RBBP6: variants seen among roughly 807,000 people sequenced by gnomAD.
RBBP6 encodes the protein E3 ubiquitin-protein ligase RBBP6.
RBBP6 carries 25 observed loss-of-function variants against 167.7 expected under a neutral mutation model. The observed-to-expected ratio is 0.15, with a 90% CI of 0.11 to 0.21. The LOEUF is 0.21. Among genes scored for constraint, RBBP6 ranks in the 10% least tolerant of loss-of-function variants. The probability of loss-of-function intolerance (pLI) is 1.00; values close to 1 mark genes in which losing one functional copy is unlikely to be tolerated. For missense variants in RBBP6, 1,868 were observed against 2,134.2 expected (o/e 0.88, Z 2.46); for synonymous variants, 789 against 735.8 (o/e 1.07, Z -1.17).
rs746898844 is a variant in RBBP6 at position 24,571,429 on chromosome 16, A to C, written c.4363A>C (p.Lys1455Gln). 1.9e-6 allele frequency: 3 copies of C among 1,613,448 alleles called. No individual in the cohort carries two copies. Among genetic ancestry groups the C allele is most frequent in the Non-Finnish European group, 2.5e-6 (3 of 1,179,932 alleles). The part of the protein sequence containing the change: ...QSSKEARTSD[K>Q]HDSTRASSNK... ...TTCCAAAGAGGCTAGAACGTCAGAT[A>C]AACATGATTCCACTCGTGCTTCCTC... Residue 1455 changes from lysine to glutamine, a missense_variant, in exon 18 of 18, where the codon AAA becomes CAA. Coordinates refer to ENST00000319715, the MANE Select transcript of RBBP6 (RefSeq NM_006910.5).
At chr16:24,563,385 T>G in intron 11 of RBBP6, 38 bp from the exon 12 acceptor site, 1 of 1,554,056 alleles carries the variant, frequency 6.4e-7, no homozygotes, top group Non-Finnish European at 8.7e-7. Flanking sequence ...TTTTTTTTTT[T>G]TTTAACTATT....
chr16:24,572,144 ACAG>A lies in RBBP6; in HGVS notation c.5083_5085del (p.Ser1695del). The A allele has an allele frequency of 6.2e-7, 1 of 1,614,166 alleles. No homozygotes were observed. On this transcript the variant is annotated inframe_deletion, in exon 18 of 18. Transcript: ENST00000319715. ...GTGGGCATAAGCAGGAATCAGAGCC[ACAG>A]CAGCCCCAGCGTCAGCCCCAGCAGA...
chr16:24,553,686 A>G (rs975990665), intron 4 of RBBP6, 129 bp downstream of exon 4: 23 of 557,804 alleles, frequency 4.1e-5, no homozygotes, highest in Admixed American at 2.8e-4. Flanking sequence ...TATTATTACT[A>G]TCCTGTAAAG....
In RBBP6 at chr16:24,540,504, C is replaced by A; in HGVS notation, c.-123C>A. On this transcript the variant is annotated 5_prime_UTR_variant, in exon 1 of 18. Coordinates refer to ENST00000319715, the MANE Select transcript of RBBP6 (RefSeq NM_006910.5). ...GGTTGGGGGGTATTTAATCTGAGGC[C>A]TTAGGGTCCTTCGGTGTCTTTGAGT... The A allele has an allele frequency of 1.0e-6, 1 of 1,001,188 alleles. No individual in the cohort carries two copies. Among genetic ancestry groups the A allele is most frequent in the Non-Finnish European group, 1.4e-6 (1 of 693,312 alleles). The allele number at this position is 1,001,188 out of a possible 1,614,324, so 62.0% of individuals were successfully genotyped here. A position where few individuals can be genotyped will look rare whatever the true frequency, so the allele number is the denominator to read the frequency against.
At position 24,569,233 on chromosome 16, in the gene RBBP6, G is replaced by C; in HGVS notation, c.2543G>C (p.Gly848Ala). The C allele has an allele frequency of 6.2e-7, 1 of 1,613,758 alleles. No individual in the cohort carries two copies. The highest frequency in any genetic ancestry group is 8.5e-7 in the Non-Finnish European group (1 of 1,179,938). Reference sequence around the variant, plus strand: ...AAATATTATAAAGGTTATGCTGCTGGAGCACAGCCTAGACCCTCAGCAAAT... The same window carrying C: ...AAATATTATAAAGGTTATGCTGCTGCAGCACAGCCTAGACCCTCAGCAAAT... ...YEKYYKGYAAGAQPRPSANRE... is the reference protein window; with the variant it reads ...YEKYYKGYAAAAQPRPSANRE... The change falls in exon 17 of 18, where the codon GGA becomes GCA. Residue 848 changes from glycine to alanine, a missense_variant. Gly to Ala is a moderately conservative substitution (Grantham distance 60, BLOSUM62 0). Transcript: ENST00000319715.
chr16:24,566,679 T>C (rs1596512496), intron 14 of RBBP6, among the ~76,000 whole-genome samples: 1 of 151,982 alleles, frequency 6.6e-6, no homozygotes, highest in Non-Finnish European at 1.5e-5. Flanking sequence ...GAGGTGGAGG[T>C]TGCAGTGAGC....
At chr16:24,570,713 CATA>C (rs2141479498) in intron 17 of RBBP6, among the ~76,000 whole-genome samples, 160 bp from the exon 18 acceptor site, 1 of 151,796 alleles carries the variant, frequency 6.6e-6, no homozygotes, top group South Asian at 2.1e-4. Flanking sequence ...TTGATACAAT[CATA>C]ATCTTAAATT....
chr16:24,565,183 C>T (rs1268637448), intron 14 of RBBP6, among the ~76,000 whole-genome samples: 3 of 152,138 alleles, frequency 2.0e-5, no homozygotes, highest in South Asian at 2.1e-4. Flanking sequence ...CAGACAATAT[C>T]TAAGATACCA....
At chr16:24,555,753 C>CA (rs1341931577) in intron 5 of RBBP6, 50 bp downstream of exon 5, 6 of 1,583,608 alleles carry the variant, frequency 3.8e-6, no homozygotes, top group African/African-American at 1.4e-5. Context: ...GGTGGGTTTT[C>CA]CCCCCCAATC....
At position 24,569,480 on chromosome 16, in the gene RBBP6, A is replaced by G. The variant is rs1169198427; in HGVS notation, c.2790A>G (p.Gly930=). The G allele has an allele frequency of 1.2e-6, 2 of 1,610,870 alleles. No homozygotes were observed. Among genetic ancestry groups the G allele is most frequent in the Admixed American group, 1.7e-5 (1 of 59,102 alleles). ...ESENAPGDGK[G]NKHKKHRKRR... ...AAAACGCTCCAGGAGATGGTAAAGG[A>G]AATAAGCATAAGAAACACAGAAAAA... The change falls in exon 17 of 18, where the codon GGA becomes GGG. Residue 930 remains glycine (G), a synonymous_variant. Transcript: ENST00000319715.
At chr16:24,564,136 C>T (rs1184591523) in intron 13 of RBBP6, among the ~76,000 whole-genome samples, 1 of 151,860 alleles carries the variant, frequency 6.6e-6, no homozygotes, top group East Asian at 1.9e-4. Flanking sequence ...GTTCTTGCCA[C>T]CCTAAAATAC....
At position 24,572,042 on chromosome 16, in the gene RBBP6, G is replaced by T. The variant is rs1899352346; in HGVS notation, c.4976G>T (p.Gly1659Val). 3 of 1,613,986 alleles carry T rather than the reference G, an allele frequency of 1.9e-6. No homozygotes were observed. The South Asian group carries it at 3.3e-5, about 18-fold the overall frequency. The change falls in exon 18 of 18, where the codon GGA (glycine) becomes GTA (valine). Residue 1659 changes from glycine (G) to valine (V), a missense_variant. Physicochemically the swap from Gly to Val is moderately radical, Grantham distance 109. This residue lies in a region of RBBP6 where 591 missense variants were observed against 540.5 expected (regional missense o/e 1.09). Coordinates refer to ENST00000319715, the MANE Select transcript of RBBP6 (RefSeq NM_006910.5). The stretch of plus-strand genomic sequence containing the variant: ...TCTGTAAAAGAAGAGGAATCTTCAG[G>T]AAACATTTCTAAGGACCTGAAAGAT... ...NVSVKEEESSGNISKDLKDKI... is the reference protein window; with the variant it reads ...NVSVKEEESSVNISKDLKDKI...
Position 24,563,222 on chromosome 16 carries a change from C to T in RBBP6, c.1313C>T (p.Pro438Leu). ...PFRDSDNKIL[P>L]AAALASEHSK... ...AGGGATTCTGATAATAAAATATTGC[C>T]AGCTGCAGCTCTTGCATCAGAGCAC... Residue 438 changes from proline to leucine, a missense_variant, in exon 11 of 18, where the codon CCA becomes CTA. Transcript: ENST00000319715. 1 of 1,608,510 alleles carries T rather than the reference C, an allele frequency of 6.2e-7. No individual in the cohort carries two copies. Among genetic ancestry groups the T allele is most frequent in the Non-Finnish European group, 8.5e-7 (1 of 1,177,132 alleles).
rs1214021639 is a variant in RBBP6 at position 24,572,188 on chromosome 16, G to A, written c.5122G>A (p.Gly1708Arg). Residue 1708 changes from glycine (G) to arginine (R), a missense_variant, in exon 18 of 18, where the codon GGA becomes AGA. Physicochemically the swap from Gly to Arg is moderately radical, Grantham distance 125 (BLOSUM62 -2). Transcript: ENST00000319715. ...CCCCAGCAGAAGCCACAGTCCTTCTGGAAGCCAGACCCGAAGCCACAGTAG... is the reference window on the plus strand; with the variant it reads ...CCCCAGCAGAAGCCACAGTCCTTCTAGAAGCCAGACCCGAAGCCACAGTAG... ...VSPSRSHSPSGSQTRSHSSSA... is the reference protein window; with the variant it reads ...VSPSRSHSPSRSQTRSHSSSA... 6.2e-7 allele frequency: 1 copy of A among 1,614,066 alleles called. No individual in the cohort carries two copies. Among genetic ancestry groups the A allele is most frequent in the Non-Finnish European group, 8.5e-7 (1 of 1,180,016 alleles).
intron 17 of RBBP6, 25 bp from the exon 18 acceptor site, chr16:24,570,851 A>G: frequency 7.2e-7 from 1 of 1,395,806 alleles, no homozygotes; most frequent in South Asian, 1.9e-5. Flanking sequence ...TTCATTAATT[A>G]AAAATATTTT....
intron 1 of RBBP6, among the ~76,000 whole-genome samples, chr16:24,544,993 ATC>A (rs1231753220): frequency 6.6e-6 from 1 of 152,138 alleles, no homozygotes; most frequent in Non-Finnish European, 1.5e-5. Context: ...GGTCGTCATT[ATC>A]TCTACCTGGA....
intron 8 of RBBP6, 46 bp downstream of exon 8, chr16:24,559,723 T>C (rs1338408668): frequency 2.1e-6 from 3 of 1,451,316 alleles, no homozygotes; most frequent in African/African-American, 1.4e-5. Flanking sequence ...AGAATATTTG[T>C]ATTTACTTGG....
Position 24,569,744 on chromosome 16 carries a change from A to G in RBBP6, c.3054A>G (p.Lys1018=). Residue 1018 remains lysine, a synonymous_variant, in exon 17 of 18, where the codon AAA becomes AAG. Coordinates refer to ENST00000319715, the MANE Select transcript of RBBP6 (RefSeq NM_006910.5). ...ATAAACCAAAAGCAAAGGGTGATAAAACCAAACGGAAGAATGATGGATCTG... is the reference window on the plus strand; with the variant it reads ...ATAAACCAAAAGCAAAGGGTGATAAGACCAAACGGAAGAATGATGGATCTG... ...ERDKPKAKGD[K]TKRKNDGSAV... 1.2e-6 allele frequency: 2 copies of G among 1,614,144 alleles called. No homozygotes were observed. The highest frequency in any genetic ancestry group is 1.7e-6 in the Non-Finnish European group (2 of 1,180,024).
intron 1 of RBBP6, among the ~76,000 whole-genome samples, chr16:24,544,372 T>C (rs572185755): frequency 4.6e-5 from 7 of 152,296 alleles, no homozygotes; most frequent in Non-Finnish European, 8.8e-5. Flanking sequence ...ATTGCCTACC[T>C]CTAATTGAAT....
Sources: gnomAD v4.1 joint callset for allele counts (sites outside exome capture counted in the v4.1 genomes callset) on GRCh38, gnomAD v4.1.1 for gene constraint, gnomAD v4.1.1 regional missense constraint, MANE v1.5 for transcripts, NCBI Gene and HGNC (gene_info 2026-07-23, HGNC 2026-07-21) for gene names.